Variants in RERE observed in about 807,000 individuals in gnomAD.
RERE encodes arginine-glutamic acid dipeptide repeats, also known as arginine-glutamic acid dipeptide repeats protein.
Under a neutral mutation model 146.1 loss-of-function variants are expected in RERE, and 40 were observed. That is an observed-to-expected ratio of 0.27 (90% CI 0.21 to 0.36). RERE has a LOEUF of 0.36. Ranked by LOEUF, RERE falls within the 10% of genes least tolerant of loss-of-function variation. The probability of loss-of-function intolerance (pLI) is 1.00; values close to 1 mark genes in which losing one functional copy is unlikely to be tolerated. For synonymous variants in RERE, 1,003 were observed against 866.0 expected (o/e 1.16, Z -2.78); for missense variants, 1,933 against 2,138.7 (o/e 0.90, Z 1.90).
intron 4 of RERE, among the ~76,000 whole-genome samples, chr1:8,604,949 GA>G (rs1236257502): frequency 6.6e-6 from 1 of 152,138 alleles, no homozygotes; most frequent in Non-Finnish European, 1.5e-5. Flanking sequence ...TCTTACTGAA[GA>G]AAAATCTGAA....
rs754175260 is a variant in RERE at position 8,361,382 on chromosome 1, G to A, written c.2125C>T (p.Arg709Cys). Residue 709 changes from arginine (R) to cysteine (C), a missense_variant, in exon 18 of 23, where the codon CGC becomes TGC. Physicochemically the swap from Arg to Cys is radical, Grantham distance 180. Around this residue, in one of 11 missense-constraint regions of RERE, gnomAD observed 1,255 missense variants for 1,153.8 expected, o/e 1.09. Transcript: ENST00000400908. The part of the protein sequence containing the change: ...SDPKDIDQDN[R>C]STSPSIPSPQ... ...CTGGGGATGCTCGGGGACGTGCTGCGATTGTCCTGGTCGATGTCTTTGGGG... is the reference window on the plus strand; with the variant it reads ...CTGGGGATGCTCGGGGACGTGCTGCAATTGTCCTGGTCGATGTCTTTGGGG... The A allele has an allele frequency of 5.6e-6, 9 of 1,613,792 alleles. No homozygotes were observed. Among genetic ancestry groups the A allele is most frequent in the South Asian group, 3.3e-5 (3 of 91,078 alleles).
At position 8,353,438 on chromosome 1, in the gene RERE, C is replaced by G. The variant is rs1273723420; in HGVS notation, c.*1649G>C. Reference sequence around the variant, plus strand: ...TGGATGGACTTTGTGTCCGCCGACCCAGTGTGGTCTCTGTCCTACAATTCT... The same window carrying G: ...TGGATGGACTTTGTGTCCGCCGACCGAGTGTGGTCTCTGTCCTACAATTCT... On this transcript the variant is annotated 3_prime_UTR_variant, in exon 23 of 23. Transcript: ENST00000400908. 1 of 152,258 alleles carries G rather than the reference C, an allele frequency of 6.6e-6. No individual in the cohort carries two copies. Among genetic ancestry groups the G allele is most frequent in the Non-Finnish European group, 1.5e-5 (1 of 68,064 alleles). The allele number at this position is 152,258 out of a possible 1,614,324, so 9.4% of individuals were successfully genotyped here. A position where few individuals can be genotyped will look rare whatever the true frequency, so the allele number is the denominator to read the frequency against.
rs114022165 is a variant in RERE at position 8,421,642 on chromosome 1, A to G, written c.1284+1085T>C. On this transcript the variant is annotated intron_variant, in intron 12 of 22. Coordinates refer to ENST00000400908, the MANE Select transcript of RERE (RefSeq NM_001042681.2). ...CACTGTCCTTGAGGTACTATACAGT[A>G]AGTGTCCAGAAAAACAGCTCATTTT... Among the ~76,000 whole-genome samples, 1,220 of 152,244 alleles carry G rather than the reference A, an allele frequency of 8.0e-3. 17 individuals are homozygous for G. The highest frequency in any genetic ancestry group is 0.028 in the African/African-American group (1,184 of 41,552).
chr1:8,576,951 C>T (rs1048863136), intron 4 of RERE, among the ~76,000 whole-genome samples: 28 of 152,142 alleles, frequency 1.8e-4, no homozygotes, highest in African/African-American at 6.8e-4. Context: ...AGGCAGATCA[C>T]AAGGTCAGGA....
rs1350723602 is a variant in RERE, at chr1:8,361,157, C to G, written c.2350G>C (p.Ala784Pro). Residue 784 changes from alanine to proline, a missense_variant, in exon 18 of 23, where the codon GCC becomes CCC. Physicochemically the swap from Ala to Pro is conservative, Grantham distance 27. Around this residue, in one of 11 missense-constraint regions of RERE, gnomAD observed 1,255 missense variants for 1,153.8 expected, o/e 1.09. Coordinates refer to ENST00000400908, the MANE Select transcript of RERE (RefSeq NM_001042681.2). ...PPQGSPTASQ[A>P]PNQPQAPTAP... is the part of the protein sequence containing the mutation. ...GTGGGAGCCTGTGGCTGGTTAGGGG[C>G]CTGGGAGGCCGTGGGGGAGCCCTGT... 6.9e-7 allele frequency: 1 copy of G among 1,449,142 alleles called. No individual in the cohort carries two copies. 89.8% of individuals were successfully genotyped at this position (1,449,142 alleles called of 1,614,324 possible).
intron 1 of RERE, among the ~76,000 whole-genome samples, chr1:8,711,018 A>G (rs776970254): frequency 6.6e-6 from 1 of 151,772 alleles, no homozygotes; most frequent in Non-Finnish European, 1.5e-5. Flanking sequence ...TTAGCTGGGC[A>G]TGGTGGCGCA....
intron 12 of RERE, among the ~76,000 whole-genome samples, chr1:8,403,055 C>T (rs950820090): frequency 2.6e-5 from 4 of 152,122 alleles, no homozygotes; most frequent in African/African-American, 9.7e-5. Flanking sequence ...CGCACCACCA[C>T]ACCCAGCTAA....
intron 12 of RERE, among the ~76,000 whole-genome samples, chr1:8,402,099 C>A (rs889199385): frequency 1.3e-5 from 2 of 152,132 alleles, no homozygotes; most frequent in Admixed American, 6.6e-5. Flanking sequence ...AATCTCTTGA[C>A]CTCGTGATCC....
At chr1:8,400,949 T>C (rs1273124604) in intron 12 of RERE, among the ~76,000 whole-genome samples, 1 of 138,956 alleles carries the variant, frequency 7.2e-6, no homozygotes, top group Non-Finnish European at 1.5e-5. Flanking sequence ...GCCCAGGAGG[T>C]TGAGGCTGCA....
At chr1:8,459,295 T>C (rs985586802) in intron 11 of RERE, among the ~76,000 whole-genome samples, 9 of 152,232 alleles carry the variant, frequency 5.9e-5, no homozygotes, top group African/African-American at 2.2e-4. Flanking sequence ...TGGAGTAATA[T>C]GTACATACGT....
intron 4 of RERE, among the ~76,000 whole-genome samples, chr1:8,571,860 C>G (rs1228268536): frequency 6.6e-6 from 1 of 152,052 alleles, no homozygotes; most frequent in Non-Finnish European, 1.5e-5. Context: ...TGTATTCAGT[C>G]AAGTGTGAGC....
chr1:8,563,185 T>A (rs1469162688), intron 4 of RERE, among the ~76,000 whole-genome samples: 2 of 152,262 alleles, frequency 1.3e-5, no homozygotes, highest in East Asian at 3.8e-4. Flanking sequence ...AGATCTTTCA[T>A]GATTATTAAT....
chr1:8,463,496 A>T (rs1644552508), intron 11 of RERE, among the ~76,000 whole-genome samples: 1 of 152,240 alleles, frequency 6.6e-6, no homozygotes, highest in South Asian at 2.1e-4. Flanking sequence ...CTCAAGCAGC[A>T]GCAATGGGGA....
chr1:8,758,091 A>AT (rs548769619), intron 1 of RERE, among the ~76,000 whole-genome samples: 4,101 of 145,110 alleles, frequency 0.028, 156 homozygotes, highest in African/African-American at 0.092. Flanking sequence ...GTCAAGTTCA[A>AT]TTTTTTTTTT....
chr1:8,391,615 T>A (rs1196631066), intron 12 of RERE, among the ~76,000 whole-genome samples: 1 of 152,226 alleles, frequency 6.6e-6, no homozygotes, highest in Non-Finnish European at 1.5e-5. Context: ...TCTTCAGATA[T>A]TCCTTTCTTA....
intron 5 of RERE, among the ~76,000 whole-genome samples, chr1:8,557,001 C>T (rs762121498): frequency 1.8e-4 from 27 of 150,902 alleles, no homozygotes; most frequent in Non-Finnish European, 2.9e-4. Flanking sequence ...ATAATTTACA[C>T]GCTTTAACAG....
At chr1:8,451,766 G>A (rs1333660473) in intron 11 of RERE, among the ~76,000 whole-genome samples, 1 of 152,072 alleles carries the variant, frequency 6.6e-6, no homozygotes, top group Non-Finnish European at 1.5e-5. Context: ...ACTTGCTGGG[G>A]TACAGGCCAG....
At chr1:8,762,500 T>A (rs1054705190) in intron 1 of RERE, among the ~76,000 whole-genome samples, 4 of 152,318 alleles carry the variant, frequency 2.6e-5, no homozygotes, top group African/African-American at 7.2e-5. Context: ...ATAATTTCCA[T>A]GAAACCAGCC....
intron 7 of RERE, among the ~76,000 whole-genome samples, chr1:8,520,327 T>C (rs1307325817): frequency 1.3e-5 from 2 of 152,078 alleles, no homozygotes; most frequent in Non-Finnish European, 2.9e-5. Context: ...TGAAGAAGAC[T>C]CCAGGCCACA....
Sources: allele counts gnomAD v4.1 joint callset (sites outside exome capture counted in the v4.1 genomes callset), GRCh38; gene constraint gnomAD v4.1.1; regional missense constraint gnomAD v4.1.1; transcripts MANE v1.5; gene names NCBI Gene and HGNC (gene_info 2026-07-23, HGNC 2026-07-21).